STX6: variants seen among roughly 807,000 people sequenced by gnomAD.
STX6 encodes the protein syntaxin 6, also known as syntaxin-6.
STX6 carries 23 observed loss-of-function variants against 38.0 expected under a neutral mutation model. That is an observed-to-expected ratio of 0.60 (90% CI 0.43 to 0.86). STX6 has a LOEUF of 0.86. STX6 is among the 40% of genes least tolerant of loss of function. The pLI is 0.00. For missense variants in STX6, 274 were observed against 312.9 expected (o/e 0.88, Z 0.94); for synonymous variants, 123 against 107.5 (o/e 1.14, Z -0.89).
intron 6 of STX6, among the ~76,000 whole-genome samples, chr1:180,987,307 TTGGGC>T (rs1265234272): frequency 1.3e-5 from 2 of 152,210 alleles, no homozygotes; most frequent in African/African-American, 4.8e-5. Flanking sequence ...CTCAGGGACC[TTGGGC>T]TAAGTCAGGG....
Position 180,984,735 on chromosome 1 carries a change from A to C in STX6, c.633T>G (p.Thr211=). 1 of 1,596,262 alleles carries C rather than the reference A, an allele frequency of 6.3e-7. No homozygotes were observed. Among genetic ancestry groups the C allele is most frequent in the South Asian group, 1.1e-5 (1 of 90,630 alleles). ...TCATCACATTGTCCAGCCGGGACTG[A>C]GTGCTCTCCAATTCGTGAGAGAAAT... ...LEDFSHELES[T]QSRLDNVMKK... is the part of the protein sequence containing the mutation. The change falls in exon 7 of 8, where the codon ACT becomes ACG. Residue 211 remains threonine, a synonymous_variant. Coordinates refer to ENST00000258301, the MANE Select transcript of STX6 (RefSeq NM_005819.6).
rs77044099 is a variant in STX6, at chr1:180,975,119, A to C, written c.*1451T>G. ...ACAAAACAAAAAGGTTTAAAAAAAA[A>C]GTGTGCTGAGGAATGCACCCAAAAA... On this transcript the variant is annotated 3_prime_UTR_variant, in exon 8 of 8. Transcript: ENST00000258301. The C allele has an allele frequency of 6.6e-6, 1 of 152,624 alleles. No individual in the cohort carries two copies. Among genetic ancestry groups the C allele is most frequent in the Non-Finnish European group, 1.5e-5 (1 of 68,040 alleles). 9.5% of individuals were successfully genotyped at this position (152,624 alleles called of 1,614,324 possible). A position where few individuals can be genotyped will look rare whatever the true frequency, so the allele number is the denominator to read the frequency against.
At chr1:180,991,596 C>T (rs773545840) in intron 4 of STX6, among the ~76,000 whole-genome samples, 2 of 152,162 alleles carry the variant, frequency 1.3e-5, no homozygotes, top group Non-Finnish European at 2.9e-5. Flanking sequence ...AAATCATCCA[C>T]GTTTTATTGT....
chr1:181,003,262 T>G (rs1656133574), intron 2 of STX6, among the ~76,000 whole-genome samples: 1 of 152,190 alleles, frequency 6.6e-6, no homozygotes, highest in Admixed American at 6.5e-5. Flanking sequence ...GTGTTATTAC[T>G]TGATTACCAT....
At chr1:181,010,882 G>C (rs756572550) in intron 1 of STX6, among the ~76,000 whole-genome samples, 1 of 152,176 alleles carries the variant, frequency 6.6e-6, no homozygotes, top group Non-Finnish European at 1.5e-5. Context: ...GTGATTTACA[G>C]GCCATGCTTT....
At chr1:181,001,597 G>A (rs1656080779) in intron 3 of STX6, among the ~76,000 whole-genome samples, 1 of 152,186 alleles carries the variant, frequency 6.6e-6, no homozygotes, top group African/African-American at 2.4e-5. Context: ...GGTTGCAAGA[G>A]TTCCAGAAGC....
intron 3 of STX6, among the ~76,000 whole-genome samples, chr1:180,997,799 AG>A (rs1317774471): frequency 6.6e-6 from 1 of 152,190 alleles, no homozygotes; most frequent in Non-Finnish European, 1.5e-5. Context: ...ATAGAAAAAA[AG>A]TTACAGATTA....
rs1029184357 is a variant in STX6 at position 180,975,587 on chromosome 1, G to A, written c.*983C>T. On this transcript the variant is annotated 3_prime_UTR_variant, in exon 8 of 8. Coordinates refer to ENST00000258301, the MANE Select transcript of STX6 (RefSeq NM_005819.6). ...TATGTCATTACGTTTCTTAATAAAT[G>A]TAATAAATGTACTAACCACTCCCAA... is the stretch of plus-strand genomic sequence containing the variant. 2 of 152,442 alleles carry A rather than the reference G, an allele frequency of 1.3e-5. No homozygotes were observed. Among genetic ancestry groups the A allele is most frequent in the African/African-American group, 2.4e-5 (1 of 41,444 alleles). The allele number at this position is 152,442 out of a possible 1,614,324, so 9.4% of individuals were successfully genotyped here.
intron 1 of STX6, among the ~76,000 whole-genome samples, chr1:181,006,522 T>C (rs193139892): frequency 3.4e-4 from 52 of 151,952 alleles, no homozygotes; most frequent in Non-Finnish European, 6.3e-4. Context: ...TACTATCACA[T>C]ATAAAAGCCA....
chr1:181,002,024 G>T (rs184136242), intron 3 of STX6, among the ~76,000 whole-genome samples: 31 of 152,234 alleles, frequency 2.0e-4, no homozygotes, highest in Non-Finnish European at 3.8e-4. Flanking sequence ...CAAAAAATTA[G>T]CCTGGTGTGG....
At chr1:181,005,691 A>C (rs1244128479) in intron 1 of STX6, among the ~76,000 whole-genome samples, 1 of 152,232 alleles carries the variant, frequency 6.6e-6, no homozygotes, top group Non-Finnish European at 1.5e-5. Flanking sequence ...AAGCAGCTAC[A>C]ATATCAAGTT....
intron 4 of STX6, 131 bp from the exon 5 acceptor site, chr1:180,990,240 G>A: frequency 1.7e-6 from 2 of 1,170,564 alleles, no homozygotes; most frequent in East Asian, 2.5e-5. Context: ...AGGCTTTTAT[G>A]TAGTGGTGTA....
At chr1:181,021,690 C>A (rs1441442504) in intron 1 of STX6, among the ~76,000 whole-genome samples, 2 of 152,184 alleles carry the variant, frequency 1.3e-5, no homozygotes, top group African/African-American at 2.4e-5. Context: ...CAGAATTGAT[C>A]TTCTTGCATG....
At chr1:180,992,791 T>C (rs1288050995) in intron 4 of STX6, among the ~76,000 whole-genome samples, 1 of 152,234 alleles carries the variant, frequency 6.6e-6, no homozygotes, top group African/African-American at 2.4e-5. Context: ...CTTTTAAAAC[T>C]ACTTAAAACA....
At chr1:180,995,323 A>C (rs71630289) in intron 3 of STX6, among the ~76,000 whole-genome samples, 1,690 of 152,198 alleles carry the variant, frequency 0.011, 18 homozygotes, top group Admixed American at 0.028. Flanking sequence ...CAGACTCTTG[A>C]CGGCACATTT....
intron 7 of STX6, among the ~76,000 whole-genome samples, chr1:180,977,240 T>G (rs896701602): frequency 1.3e-5 from 2 of 152,158 alleles, no homozygotes; most frequent in Non-Finnish European, 2.9e-5. Flanking sequence ...TAAATGAAAG[T>G]GGAATTTTTT....
intron 4 of STX6, among the ~76,000 whole-genome samples, chr1:180,991,264 G>A (rs1655750594): frequency 6.6e-6 from 1 of 152,178 alleles, no homozygotes; most frequent in South Asian, 2.1e-4. Flanking sequence ...CAGGGGCCCA[G>A]AGCTTCAGTC....
chr1:181,022,203 AC>A (rs1656751412), intron 1 of STX6, among the ~76,000 whole-genome samples: 2 of 150,912 alleles, frequency 1.3e-5, no homozygotes, highest in Admixed American at 1.3e-4. Flanking sequence ...AATGGAGCTC[AC>A]CCCCGTCAAC....
intron 1 of STX6, among the ~76,000 whole-genome samples, chr1:181,014,379 G>C (rs953854196): frequency 7.1e-6 from 1 of 141,502 alleles, no homozygotes; most frequent in Non-Finnish European, 1.5e-5. Flanking sequence ...GGGAGACAGA[G>C]CAAGACTCCA....
Sources: gnomAD v4.1 joint callset for allele counts (sites outside exome capture counted in the v4.1 genomes callset) on GRCh38, gnomAD v4.1.1 for gene constraint, MANE v1.5 for transcripts, NCBI Gene and HGNC (gene_info 2026-07-23, HGNC 2026-07-21) for gene names.